ECM2: variants seen among roughly 807,000 people sequenced by gnomAD.
ECM2 encodes the protein extracellular matrix protein 2, also known as extracellular matrix protein 2, female organ and adipocyte specific.
In ECM2, 57 loss-of-function variants were observed where a neutral mutation model predicts 67.5. The observed-to-expected ratio is 0.84, with a 90% confidence interval of 0.68 to 1.05. The LOEUF is 1.05. Ranked by LOEUF, ECM2 falls within the 50% of genes least tolerant of loss-of-function variation. The probability of loss-of-function intolerance (pLI) is 0.00; values close to 1 mark genes in which losing one functional copy is unlikely to be tolerated. For missense variants in ECM2, 741 were observed against 822.8 expected, an observed-to-expected ratio of 0.90 and a Z score of 1.22; for synonymous variants, 258 against 294.5, an observed-to-expected ratio of 0.88 and a Z score of 1.27.
chr9:92,541,078 G>C (rs1021037700), upstream of ECM2, among the ~76,000 whole-genome samples: 1 of 151,742 alleles, frequency 6.6e-6, no homozygotes, highest in South Asian at 2.1e-4. Context: ...TGGCCAACAT[G>C]GTGAAACCCC....
Position 92,522,638 on chromosome 9 carries a change from C to T in ECM2, c.229G>A (p.Glu77Lys). 1 of 1,613,948 alleles carries T rather than the reference C, an allele frequency of 6.2e-7. No individual in the cohort carries two copies. The highest frequency in any genetic ancestry group is 1.1e-5 in the South Asian group (1 of 91,036). ...CTTGAAAAGGATTCAAACTTTTCCT[C>T]CATGCTATAATCAAAGTTAACAATA... is the stretch of plus-strand genomic sequence containing the variant. ...LPIVNFDYSM[E>K]EKFESFSSFP... Residue 77 changes from glutamate (E) to lysine (K), a missense_variant, in exon 2 of 10, where the codon GAG becomes AAG. Physicochemically the swap from Glu to Lys is moderately conservative, Grantham distance 56. Coordinates refer to ENST00000344604, the MANE Select transcript of ECM2 (RefSeq NM_001393.4).
In ECM2 at chr9:92,496,052, T is replaced by A; in HGVS notation, c.*263A>T. ...TCCAGACTCTTCTGGTCTAGCTCAG[T>A]ATGCATAATATCCTATTCTAGTGAG... is the stretch of plus-strand genomic sequence containing the variant. On this transcript the variant is annotated 3_prime_UTR_variant, in exon 10 of 10. Coordinates refer to ENST00000344604, the MANE Select transcript of ECM2 (RefSeq NM_001393.4). The A allele has an allele frequency of 9.4e-7, 1 of 1,064,860 alleles. No homozygotes were observed. Among genetic ancestry groups the A allele is most frequent in the Admixed American group, 5.5e-5 (1 of 18,086 alleles). 66.0% of individuals were successfully genotyped at this position (1,064,860 alleles called of 1,614,324 possible).
intron 1 of ECM2, among the ~76,000 whole-genome samples, chr9:92,523,491 A>G (rs1848203419): frequency 6.6e-6 from 1 of 152,134 alleles, no homozygotes; most frequent in Admixed American, 6.5e-5. Flanking sequence ...AGAGTTCATA[A>G]AGATGGGAGC....
chr9:92,494,926 T>C (rs1302746291), downstream of ECM2, among the ~76,000 whole-genome samples: 1 of 152,024 alleles, frequency 6.6e-6, no homozygotes, highest in Non-Finnish European at 1.5e-5. Context: ...AATAATAACA[T>C]TATGGAATAA....
downstream of ECM2, chr9:92,493,979 T>C (rs949262591): frequency 2.2e-5 from 24 of 1,113,120 alleles, no homozygotes; most frequent in Non-Finnish European, 3.0e-5. Context: ...CGTAGTCTCC[T>C]GGCGGCCCTC....
At chr9:92,548,300 C>A in the ECM2 span, among the ~76,000 whole-genome samples, 20 of 152,276 alleles carry the variant, frequency 1.3e-4, no homozygotes, top group Non-Finnish European at 2.4e-4. Flanking sequence ...CAAAGAAGAT[C>A]AGACAGTAAA....
At chr9:92,550,645 G>A in the ECM2 span, among the ~76,000 whole-genome samples, 1 of 152,026 alleles carries the variant, frequency 6.6e-6, no homozygotes, top group Admixed American at 6.6e-5. Flanking sequence ...GCATGTAAAG[G>A]GATGTAAGGG....
the ECM2 span, among the ~76,000 whole-genome samples, chr9:92,555,772 T>A: frequency 0.021 from 3,131 of 152,326 alleles, 113 homozygotes; most frequent in African/African-American, 0.071. Flanking sequence ...TATTTGGATT[T>A]TCTCTCTTCT....
intron 1 of ECM2, among the ~76,000 whole-genome samples, chr9:92,531,533 T>A (rs1017444102): frequency 6.6e-6 from 1 of 152,204 alleles, no homozygotes; most frequent in African/African-American, 2.4e-5. Flanking sequence ...TTGCGCCAGA[T>A]AATTCTTTTT....
Position 92,534,502 on chromosome 9 carries a change from T to G in ECM2, c.-28+1431A>C, listed in dbSNP as rs552169327. On this transcript the variant is annotated intron_variant, in intron 1 of 9. Coordinates refer to ENST00000344604, the MANE Select transcript of ECM2 (RefSeq NM_001393.4). ...TATATACATTAATTGCCACAGTCAT[T>G]TGAAAACCATTACTATAGGTTATTG... 9.8e-4 allele frequency among the ~76,000 whole-genome samples: 150 copies of G among 152,328 alleles called. 1 individual carries two copies. The highest frequency in any genetic ancestry group is 3.3e-3 in the African/African-American group (137 of 41,574).
chr9:92,550,754 C>A, the ECM2 span, among the ~76,000 whole-genome samples: 1 of 152,110 alleles, frequency 6.6e-6, no homozygotes, highest in African/African-American at 2.4e-5. Flanking sequence ...ATGTTTGATT[C>A]TCTTATCTTG....
chr9:92,517,906 T>G lies in ECM2; in HGVS notation c.293-31A>C, dbSNP rs375273601. ...AGAAAACAAAAGCACAAATTTAAAT[T>G]TCTTATGTGATTATCAGTAACTGTG... is the stretch of plus-strand genomic sequence containing the variant. On this transcript the variant is annotated intron_variant, in intron 2 of 9. Transcript: ENST00000344604. 79 of 1,612,558 alleles carry G rather than the reference T, an allele frequency of 4.9e-5. No individual in the cohort carries two copies. In the African/African-American group the frequency reaches 8.9e-4, roughly 18 times the overall value.
intron 1 of ECM2, among the ~76,000 whole-genome samples, chr9:92,533,307 A>AC (rs1848929550): frequency 4.2e-5 from 2 of 47,736 alleles, no homozygotes; most frequent in African/African-American, 1.0e-4. Context: ...CTCAAACAAA[A>AC]AAAAAAAAAA....
chr9:92,558,059 G>A, the ECM2 span, among the ~76,000 whole-genome samples: 44 of 151,798 alleles, frequency 2.9e-4, no homozygotes, highest in African/African-American at 1.0e-3. Context: ...CATTTTTTTG[G>A]ATTTCCTTGC....
At chr9:92,557,676 C>T in the ECM2 span, among the ~76,000 whole-genome samples, 2 of 152,128 alleles carry the variant, frequency 1.3e-5, no homozygotes, top group Non-Finnish European at 2.9e-5. Context: ...CAGAGTCTTG[C>T]TCTGTCGCCA....
downstream of ECM2, chr9:92,493,862 TGCAGCCAGAGCAGA>T (rs934235515): frequency 3.0e-6 from 1 of 329,682 alleles, no homozygotes; most frequent in African/African-American, 2.1e-5. Context: ...CTTGGGATTC[TGCAGCCAGAGCAGA>T]GTTGAGAAGC....
At chr9:92,545,538 C>CG in the ECM2 span, among the ~76,000 whole-genome samples, 100,834 of 151,776 alleles carry the variant, frequency 0.66, 35,175 homozygotes, top group African/African-American at 0.89. Context: ...CCCGCCCCGC[C>CG]GGGCCCCTTC....
chr9:92,504,849 T>C (rs1488945479), intron 7 of ECM2, among the ~76,000 whole-genome samples: 1 of 152,182 alleles, frequency 6.6e-6, no homozygotes, highest in Non-Finnish European at 1.5e-5. Context: ...CCTCAGTGTT[T>C]TTAACGCAGG....
At position 92,495,499 on chromosome 9, in the gene ECM2, A is replaced by G; in HGVS notation, c.*816T>C. The G allele has an allele frequency of 1.0e-6, 1 of 983,274 alleles. No homozygotes were observed. The highest frequency in any genetic ancestry group is 1.2e-6 in the Non-Finnish European group (1 of 827,928). The allele number at this position is 983,274 out of a possible 1,614,324, so 60.9% of individuals were successfully genotyped here. On this transcript the variant is annotated 3_prime_UTR_variant, in exon 10 of 10. Coordinates refer to ENST00000344604, the MANE Select transcript of ECM2 (RefSeq NM_001393.4). ...ACATTAGATTTACCTTTACAAGGTT[A>G]TAGTCAAGAATAATTAATTTGTATT...
Sources: gnomAD v4.1 joint callset for allele counts (sites outside exome capture counted in the v4.1 genomes callset) on GRCh38, gnomAD v4.1.1 for gene constraint, MANE v1.5 for transcripts, NCBI Gene and HGNC (gene_info 2026-07-23, HGNC 2026-07-21) for gene names.